EXOC6B: variants seen among roughly 807,000 people sequenced by gnomAD.
The protein encoded by EXOC6B is exocyst complex component 6B, also known as SEC15 homolog B.
Under a neutral mutation model 113.5 loss-of-function variants are expected in EXOC6B, and 54 were observed. The observed-to-expected ratio is 0.48, with a 90% CI of 0.38 to 0.60. EXOC6B has a LOEUF of 0.60. Among genes scored for constraint, EXOC6B ranks in the 20% least tolerant of loss-of-function variants. The probability of loss-of-function intolerance (pLI) is 0.00; values close to 1 mark genes in which losing one functional copy is unlikely to be tolerated. For synonymous variants in EXOC6B, 357 were observed against 339.0 expected, an observed-to-expected ratio of 1.05 and a Z score of -0.58; for missense variants, 797 against 977.5, an observed-to-expected ratio of 0.82 and a Z score of 2.46.
At chr2:72,449,896 A>G (rs1440521381) in intron 18 of EXOC6B, among the ~76,000 whole-genome samples, 2 of 152,194 alleles carry the variant, frequency 1.3e-5, no homozygotes, top group Admixed American at 1.3e-4. Flanking sequence ...AGAATCAGCT[A>G]TTCTCTGTCA....
At position 72,501,763 on chromosome 2, in the gene EXOC6B, CTTT is replaced by C. The variant is rs34702887; in HGVS notation, c.1168-1794_1168-1792del. ...ACCAAAACAAAACAGAAAAAAAACA[CTTT>C]TTTTTTTTTTTCCCACAGGGTTTCA... On this transcript the variant is annotated intron_variant, in intron 11 of 21. Transcript: ENST00000272427. 2.1e-3 allele frequency among the ~76,000 whole-genome samples: 290 copies of C among 139,554 alleles called. 2 individuals carry two copies. In the East Asian group the frequency reaches 0.037, roughly 18 times the overall value. The allele number at this position is 139,554 out of a possible 152,430, so 91.6% of individuals were successfully genotyped here.
intron 1 of EXOC6B, among the ~76,000 whole-genome samples, chr2:72,782,942 A>T (rs1305885637): frequency 6.6e-6 from 1 of 152,108 alleles, no homozygotes; most frequent in Non-Finnish European, 1.5e-5. Context: ...ACTTAGGTTG[A>T]TTCTGTAGCT....
intron 6 of EXOC6B, among the ~76,000 whole-genome samples, chr2:72,686,627 C>T (rs1034943039): frequency 2.0e-5 from 3 of 152,030 alleles, no homozygotes; most frequent in African/African-American, 4.8e-5. Flanking sequence ...TTACTTACCC[C>T]GTCAATAAAG....
chr2:72,239,835 A>T (rs1249094464), intron 20 of EXOC6B, among the ~76,000 whole-genome samples: 1 of 152,148 alleles, frequency 6.6e-6, no homozygotes, highest in African/African-American at 2.4e-5. Context: ...TCTTTCAACG[A>T]TGTTTTACAG....
intron 8 of EXOC6B, among the ~76,000 whole-genome samples, chr2:72,540,872 C>T (rs1204850624): frequency 1.3e-5 from 2 of 152,182 alleles, no homozygotes; most frequent in African/African-American, 4.8e-5. Context: ...ACAACCTTTG[C>T]AGAAAAAGTT....
At chr2:72,639,035 C>T (rs1441490651) in intron 6 of EXOC6B, among the ~76,000 whole-genome samples, 1 of 152,178 alleles carries the variant, frequency 6.6e-6, no homozygotes. Flanking sequence ...TTGAGTAGGG[C>T]AGCCCCTGTG....
intron 18 of EXOC6B, among the ~76,000 whole-genome samples, chr2:72,410,070 C>T (rs1316400635): frequency 2.0e-5 from 3 of 152,094 alleles, no homozygotes; most frequent in Admixed American, 6.6e-5. Flanking sequence ...ATTCAACATT[C>T]GTTTTTCTGC....
At chr2:72,820,025 T>C (rs1025590888) in intron 1 of EXOC6B, among the ~76,000 whole-genome samples, 1 of 152,166 alleles carries the variant, frequency 6.6e-6, no homozygotes, top group Non-Finnish European at 1.5e-5. Context: ...GATGAATTAA[T>C]GGGAGAGGGT....
At chr2:72,264,703 G>C (rs965815450) in intron 20 of EXOC6B, among the ~76,000 whole-genome samples, 1 of 151,860 alleles carries the variant, frequency 6.6e-6, no homozygotes, top group African/African-American at 2.4e-5. Flanking sequence ...TGAATCATGG[G>C]GGCAGTTTTC....
chr2:72,279,539 G>C (rs1481535173), intron 20 of EXOC6B, among the ~76,000 whole-genome samples: 3 of 152,084 alleles, frequency 2.0e-5, no homozygotes, highest in Non-Finnish European at 1.5e-5. Flanking sequence ...AATAGCAAAG[G>C]AACTCCTACT....
At chr2:72,634,078 TG>T (rs1374652287) in intron 6 of EXOC6B, among the ~76,000 whole-genome samples, 1 of 151,028 alleles carries the variant, frequency 6.6e-6, no homozygotes, top group Non-Finnish European at 1.5e-5. Context: ...GGCAAAACAT[TG>T]GTAGCTTAAA....
At chr2:72,457,997 T>G (rs1697350531) in intron 18 of EXOC6B, among the ~76,000 whole-genome samples, 1 of 152,132 alleles carries the variant, frequency 6.6e-6, no homozygotes, top group African/African-American at 2.4e-5. Context: ...CACTGACGTA[T>G]TCCGTTGGCT....
At chr2:72,459,461 G>T (rs1256962146) in intron 18 of EXOC6B, among the ~76,000 whole-genome samples, 2 of 152,118 alleles carry the variant, frequency 1.3e-5, no homozygotes, top group East Asian at 1.9e-4. Flanking sequence ...AAAACCCATT[G>T]TCTCAGCCCA....
At chr2:72,181,997 G>C (rs941343301) in intron 21 of EXOC6B, among the ~76,000 whole-genome samples, 1 of 152,150 alleles carries the variant, frequency 6.6e-6, no homozygotes, top group African/African-American at 2.4e-5. Context: ...GTTTCGCCCT[G>C]CTAAGAAGGG....
Position 72,701,535 on chromosome 2 carries a change from T to C in EXOC6B, c.669+16568A>G, listed in dbSNP as rs1678346138. On this transcript the variant is annotated intron_variant, in intron 6 of 21. Transcript: ENST00000272427. ...GAGAGTCTCTGTCCCTAAATGCATA[T>C]GTCAAAAAAGAAAAGCAAGGCAGTA... is the stretch of plus-strand genomic sequence containing the variant. 1.3e-5 allele frequency among the ~76,000 whole-genome samples: 2 copies of C among 152,056 alleles called. 1 individual carries two copies. Among genetic ancestry groups the C allele is most frequent in the South Asian group, 4.2e-4 (2 of 4,812 alleles).
chr2:72,483,669 T>A (rs1290191064), intron 16 of EXOC6B, among the ~76,000 whole-genome samples: 1 of 152,218 alleles, frequency 6.6e-6, no homozygotes, highest in Non-Finnish European at 1.5e-5. Context: ...GAGAGAATAT[T>A]GTCTGTTAAC....
At chr2:72,525,090 G>A (rs944082800) in intron 8 of EXOC6B, among the ~76,000 whole-genome samples, 28 of 152,206 alleles carry the variant, frequency 1.8e-4, no homozygotes, top group South Asian at 6.2e-4. Flanking sequence ...CATCCCCTCC[G>A]GGGACCGACA....
chr2:72,300,541 CG>C (rs1686443907), intron 20 of EXOC6B, among the ~76,000 whole-genome samples: 1 of 152,154 alleles, frequency 6.6e-6, no homozygotes, highest in African/African-American at 2.4e-5. Flanking sequence ...GGTTCTGTCT[CG>C]CTAGCGTTCC....
At chr2:72,639,565 C>T (rs1343878062) in intron 6 of EXOC6B, among the ~76,000 whole-genome samples, 3 of 152,194 alleles carry the variant, frequency 2.0e-5, no homozygotes, top group Non-Finnish European at 4.4e-5. Flanking sequence ...AGGACAAATC[C>T]CACTGTCACT....
Sources: gnomAD v4.1 joint callset for allele counts (sites outside exome capture counted in the v4.1 genomes callset) on GRCh38, gnomAD v4.1.1 for gene constraint, MANE v1.5 for transcripts, NCBI Gene and HGNC (gene_info 2026-07-23, HGNC 2026-07-21) for gene names.